Variants in PIK3R5 observed in about 807,000 individuals in gnomAD.
The protein encoded by PIK3R5 is phosphoinositide-3-kinase regulatory subunit 5, also known as phosphoinositide 3-kinase regulatory subunit 5.
Under a neutral mutation model 94.9 loss-of-function variants are expected in PIK3R5, and 32 were observed. That is an observed-to-expected ratio of 0.34 (90% CI 0.25 to 0.45). PIK3R5 has a LOEUF of 0.45. Ranked by LOEUF, PIK3R5 falls within the 20% of genes least tolerant of loss-of-function variation. PIK3R5 has a pLI of 1.00. For synonymous variants in PIK3R5, 443 were observed against 479.4 expected (o/e 0.92, Z 0.99); for missense variants, 853 against 1,144.6 (o/e 0.75, Z 3.68).
At position 8,934,425 on chromosome 17, in the gene PIK3R5, G is replaced by A. The variant is rs762368968; in HGVS notation, c.-13-22918C>T. Among the ~76,000 whole-genome samples the A allele has an allele frequency of 3.9e-5, 6 of 152,256 alleles. No individual in the cohort carries two copies. In the South Asian group the frequency reaches 6.2e-4, roughly 16 times the overall value. ...ATTGCTAAGATAAATCAATGAATAC[G>A]TGGAGAGATATGCCACATTTATGAG... On this transcript the variant is annotated intron_variant, in intron 1 of 18. Transcript: ENST00000447110.
chr17:8,881,478 CT>C lies in PIK3R5; in HGVS notation c.2382+151del. ...CTGCCTCTCCTCCCCCACCTCTCCT[CT>C]CTCTCTCACACACACACAAGTATGT... On this transcript the variant is annotated intron_variant, in intron 17 of 18. Transcript: ENST00000447110. This position sits in a 1 kb window ranked among gnomAD's most constrained non-coding sequence, Gnocchi z 4.8. The C allele has an allele frequency of 1.1e-5, 8 of 703,280 alleles. No homozygotes were observed. In the South Asian group the frequency reaches 1.2e-4, roughly 11 times the overall value. The allele number at this position is 703,280 out of a possible 1,614,324, so 43.6% of individuals were successfully genotyped here. A position where few individuals can be genotyped will look rare whatever the true frequency, so the allele number is the denominator to read the frequency against.
rs1192107941 is a variant in PIK3R5 at position 8,880,085 on chromosome 17, T to G, written c.*554A>C. On this transcript the variant is annotated 3_prime_UTR_variant, in exon 19 of 19. Transcript: ENST00000447110. ...ACTTGAGAGAAATTATTGAGGTGTG[T>G]GCGTGTGTGTGTGCGCATGTGCGTA... is the stretch of plus-strand genomic sequence containing the variant. The G allele has an allele frequency of 6.6e-6, 1 of 152,318 alleles. No individual in the cohort carries two copies. The highest frequency in any genetic ancestry group is 2.4e-5 in the African/African-American group (1 of 41,414). The allele number at this position is 152,318 out of a possible 1,614,324, so 9.4% of individuals were successfully genotyped here. A position where few individuals can be genotyped will look rare whatever the true frequency, so the allele number is the denominator to read the frequency against.
intron 1 of PIK3R5, among the ~76,000 whole-genome samples, chr17:8,921,650 T>A (rs1235063081): frequency 2.0e-5 from 3 of 152,112 alleles, no homozygotes; most frequent in African/African-American, 4.8e-5. Context: ...GTAATACAAA[T>A]TTTTTTAAAA....
Position 8,888,438 on chromosome 17 carries a change from G to A in PIK3R5, c.1349C>T (p.Ala450Val), listed in dbSNP as rs1228143595. Residue 450 changes from alanine to valine, a missense_variant, in exon 10 of 19, where the codon GCC (alanine) becomes GTC (valine). By Grantham distance (64) the Ala-to-Val change is moderately conservative. Coordinates refer to ENST00000447110, the MANE Select transcript of PIK3R5 (RefSeq NM_001142633.3). The surrounding 1 kb of genome is among the most constrained non-coding windows in gnomAD (Gnocchi z 7.8). ...GCTCCCTGCCCGCCTCAGGGGCAGG[G>A]CCGTGTCCGAGCTGCCCTCCAGGCT... ...SRSLEGSSDT[A>V]LPLRRAGSLC... 2 of 1,598,876 alleles carry A rather than the reference G, an allele frequency of 1.3e-6. No individual in the cohort carries two copies. The highest frequency in any genetic ancestry group is 1.1e-5 in the South Asian group (1 of 89,844).
intron 1 of PIK3R5, among the ~76,000 whole-genome samples, chr17:8,962,900 C>T (rs1034600228): frequency 6.6e-6 from 1 of 152,196 alleles, no homozygotes; most frequent in Non-Finnish European, 1.5e-5. Context: ...ATATCTGAGG[C>T]TCAAAAATCA....
rs1351940742 is a variant in PIK3R5 at position 8,925,452 on chromosome 17, T to G, written c.-13-13945A>C. 7.8e-6 allele frequency among the ~76,000 whole-genome samples: 1 copy of G among 128,372 alleles called. No homozygotes were observed. Among genetic ancestry groups the G allele is most frequent in the East Asian group, 2.3e-4 (1 of 4,378 alleles). The allele number at this position is 128,372 out of a possible 152,430, so 84.2% of individuals were successfully genotyped here. On this transcript the variant is annotated intron_variant, in intron 1 of 18. Transcript: ENST00000447110. This position sits in a 1 kb window ranked among gnomAD's most constrained non-coding sequence, Gnocchi z 5.1. ...GATGGAGAGATAGATAGTAGATGGATAGATAGTAGATGGATGATAGATAGA... is the reference window on the plus strand; with the variant it reads ...GATGGAGAGATAGATAGTAGATGGAGAGATAGTAGATGGATGATAGATAGA...
chr17:8,915,282 G>A (rs2090606877), intron 1 of PIK3R5, among the ~76,000 whole-genome samples: 1 of 151,828 alleles, frequency 6.6e-6, no homozygotes, highest in Non-Finnish European at 1.5e-5. Context: ...AAATTAGCTG[G>A]GTGTGGTGGT....
In PIK3R5 at chr17:8,935,979, G is replaced by A. The variant is rs56328484; in HGVS notation, c.-13-24472C>T. 0.21 allele frequency among the ~76,000 whole-genome samples: 31,650 copies of A among 151,442 alleles called. 4,067 individuals are homozygous for A. Among genetic ancestry groups the A allele is most frequent in the East Asian group, 0.31 (1,585 of 5,142 alleles). Reference sequence around the variant, plus strand: ...TGAGGCAGGAGAATGGCGTGAACCCGGGAGGCGGAGATTGCAGTGAGCTGA... The same window carrying A: ...TGAGGCAGGAGAATGGCGTGAACCCAGGAGGCGGAGATTGCAGTGAGCTGA... On this transcript the variant is annotated intron_variant, in intron 1 of 18. Coordinates refer to ENST00000447110, the MANE Select transcript of PIK3R5 (RefSeq NM_001142633.3). The surrounding 1 kb of genome is among the most constrained non-coding windows in gnomAD (Gnocchi z 4.5).
At chr17:8,918,897 G>GT (rs1212637019) in intron 1 of PIK3R5, among the ~76,000 whole-genome samples, 1 of 152,126 alleles carries the variant, frequency 6.6e-6, no homozygotes, top group African/African-American at 2.4e-5. Flanking sequence ...ACTTCTTTGT[G>GT]TTTTTTTGTT....
rs577923410 is a variant in PIK3R5, at chr17:8,918,585, G to A, written c.-13-7078C>T. 3.6e-4 allele frequency among the ~76,000 whole-genome samples: 55 copies of A among 152,274 alleles called. 2 individuals are homozygous for A. In the South Asian group the frequency reaches 9.7e-3, roughly 27 times the overall value. On this transcript the variant is annotated intron_variant, in intron 1 of 18. Coordinates refer to ENST00000447110, the MANE Select transcript of PIK3R5 (RefSeq NM_001142633.3). ...AAGAATTCCAATTAATAATGTGAGAGGAATGAGAGAAATAGAAAATTGTCA... is the reference window on the plus strand; with the variant it reads ...AAGAATTCCAATTAATAATGTGAGAAGAATGAGAGAAATAGAAAATTGTCA...
chr17:8,931,392 A>T (rs1597414456), intron 1 of PIK3R5, among the ~76,000 whole-genome samples: 1 of 152,198 alleles, frequency 6.6e-6, no homozygotes, highest in African/African-American at 2.4e-5. Flanking sequence ...AAGACTACCC[A>T]AAACAGCTGA....
intron 1 of PIK3R5, among the ~76,000 whole-genome samples, chr17:8,942,424 C>G (rs1386040285): frequency 6.6e-6 from 1 of 152,112 alleles, no homozygotes; most frequent in African/African-American, 2.4e-5. Context: ...CTCACCCATT[C>G]CTGCCACCTC....
At position 8,965,620 on chromosome 17, in the gene PIK3R5, C is replaced by A. The variant is rs550750569; in HGVS notation, c.-38G>T. 2 of 152,378 alleles carry A rather than the reference C, an allele frequency of 1.3e-5. No homozygotes were observed. The highest frequency in any genetic ancestry group is 2.9e-5 in the Non-Finnish European group (2 of 68,164). 9.4% of individuals were successfully genotyped at this position (152,378 alleles called of 1,614,324 possible). On this transcript the variant is annotated 5_prime_UTR_variant, in exon 1 of 19. Coordinates refer to ENST00000447110, the MANE Select transcript of PIK3R5 (RefSeq NM_001142633.3). ...CCTGCAGTCCCCGCCGGGCGCCGAG[C>A]CCCTCTCCAGCGGCGACTCCCTGCG...
chr17:8,917,102 C>T (rs2090645322), intron 1 of PIK3R5, among the ~76,000 whole-genome samples: 1 of 152,026 alleles, frequency 6.6e-6, no homozygotes, highest in African/African-American at 2.4e-5. Flanking sequence ...TCCACCGTGA[C>T]CTAAGTAAAA....
At position 8,893,600 on chromosome 17, in the gene PIK3R5, G is replaced by C; in HGVS notation, c.468C>G (p.His156Gln). 1 of 1,613,864 alleles carries C rather than the reference G, an allele frequency of 6.2e-7. No homozygotes were observed. The highest frequency in any genetic ancestry group is 2.2e-5 in the East Asian group (1 of 44,872). The change falls in exon 6 of 19, where the codon CAC becomes CAG. Residue 156 changes from histidine to glutamine, a missense_variant. This residue lies in a region of PIK3R5 where 161 missense variants were observed against 249.5 expected (regional missense o/e 0.65). Transcript: ENST00000447110. This position sits in a 1 kb window ranked among gnomAD's most constrained non-coding sequence, Gnocchi z 5.1. ...RAEQGLPIRS[H>Q]RSSTVTVLLL... ...AGAGCACTCACACGGTGGAGCTGCG[G>C]TGACTCCTGATGGGCAGGCCCTGCT...
At chr17:8,913,331 C>T (rs754673097) in intron 1 of PIK3R5, among the ~76,000 whole-genome samples, 8 of 152,300 alleles carry the variant, frequency 5.3e-5, no homozygotes, top group African/African-American at 9.6e-5. Context: ...TATGCCAGGG[C>T]GCCGGGCTGG....
chr17:8,928,525 A>T (rs1268972774), intron 1 of PIK3R5, among the ~76,000 whole-genome samples: 1 of 152,240 alleles, frequency 6.6e-6, no homozygotes, highest in East Asian at 1.9e-4. Flanking sequence ...ACAACACCTT[A>T]TCTTAGATGA....
Position 8,889,890 on chromosome 17 carries a change from C to T in PIK3R5, c.811+83G>A, listed in dbSNP as rs934851637. The T allele has an allele frequency of 7.4e-6, 11 of 1,479,728 alleles. No individual in the cohort carries two copies. Among genetic ancestry groups the T allele is most frequent in the Non-Finnish European group, 9.4e-6 (10 of 1,069,228 alleles). The allele number at this position is 1,479,728 out of a possible 1,614,324, so 91.7% of individuals were successfully genotyped here. A position where few individuals can be genotyped will look rare whatever the true frequency, so the allele number is the denominator to read the frequency against. Reference sequence around the variant, plus strand: ...GAGTGACTGTGTGGAGCAGAGCCACCAGGCCCGCCTGGACCGTGCACCTTG... The same window carrying T: ...GAGTGACTGTGTGGAGCAGAGCCACTAGGCCCGCCTGGACCGTGCACCTTG... On this transcript the variant is annotated intron_variant, in intron 8 of 18. Coordinates refer to ENST00000447110, the MANE Select transcript of PIK3R5 (RefSeq NM_001142633.3). This position sits in a 1 kb window ranked among gnomAD's most constrained non-coding sequence, Gnocchi z 4.1.
At position 8,938,456 on chromosome 17, in the gene PIK3R5, G is replaced by A. The variant is rs565998539; in HGVS notation, c.-13-26949C>T. Among the ~76,000 whole-genome samples the A allele has an allele frequency of 2.6e-5, 4 of 152,252 alleles. No homozygotes were observed. In the East Asian group the frequency reaches 7.7e-4, roughly 29 times the overall value. ...GGCTTTTACTATACTCACTAAGTAT[G>A]TAACCATCACAACTATCTGATCCCA... On this transcript the variant is annotated intron_variant, in intron 1 of 18. Transcript: ENST00000447110.
Sources: allele counts gnomAD v4.1 joint callset (sites outside exome capture counted in the v4.1 genomes callset), GRCh38; gene constraint gnomAD v4.1.1; regional missense constraint gnomAD v4.1.1; non-coding constraint Gnocchi (gnomAD v3.1); transcripts MANE v1.5; gene names NCBI Gene and HGNC (gene_info 2026-07-23, HGNC 2026-07-21).